BLTP3B: variants seen among roughly 807,000 people sequenced by gnomAD.
BLTP3B encodes bridge-like lipid transfer protein family member 3B.
the BLTP3B span, chr12:100,037,866 C>T: frequency 5.3e-6 from 5 of 944,724 alleles, no homozygotes; most frequent in South Asian, 5.9e-5. Context: ...ATGCCCATTG[C>T]TGGTGAGAGT....
chr12:100,065,352 A>T, the BLTP3B span, among the ~76,000 whole-genome samples: 2 of 152,140 alleles, frequency 1.3e-5, no homozygotes, highest in Non-Finnish European at 2.9e-5. Context: ...AGGGAAGACA[A>T]CCATAAGGTC....
At chr12:100,045,170 C>T in the BLTP3B span, among the ~76,000 whole-genome samples, 17 of 152,276 alleles carry the variant, frequency 1.1e-4, 1 homozygote, top group East Asian at 2.5e-3. Context: ...AATGGCCATA[C>T]TGCCCAAGTT....
the BLTP3B span, chr12:100,058,198 T>A: frequency 3.7e-6 from 6 of 1,613,032 alleles, no homozygotes; most frequent in Admixed American, 1.7e-5. Flanking sequence ...ATGTTTTGAT[T>A]ACCATCACTA....
At chr12:100,089,032 C>T in the BLTP3B span, 6 of 1,610,646 alleles carry the variant, frequency 3.7e-6, no homozygotes, top group African/African-American at 1.3e-5. Flanking sequence ...GCATCATTTA[C>T]ATCAGGAGCA....
chr12:100,104,688 CATA>C, the BLTP3B span, among the ~76,000 whole-genome samples: 2 of 151,526 alleles, frequency 1.3e-5, no homozygotes, highest in African/African-American at 4.8e-5. Context: ...ACATCAAATA[CATA>C]ATGTTGATAT....
chr12:100,142,820 G>A, the BLTP3B span: 35 of 755,388 alleles, frequency 4.6e-5, no homozygotes, highest in Admixed American at 9.5e-4. Flanking sequence ...ATCACGCTCA[G>A]GCCGCCACGG....
At chr12:100,109,160 CT>C in the BLTP3B span, among the ~76,000 whole-genome samples, 2 of 3,212 alleles carry the variant, frequency 6.2e-4, no homozygotes, top group Admixed American at 1.9e-3. Flanking sequence ...GGCAGTTTTC[CT>C]CTCTCTCTCT....
chr12:100,124,973 TA>T, the BLTP3B span, among the ~76,000 whole-genome samples: 134 of 104,964 alleles, frequency 1.3e-3, 1 homozygote, highest in African/African-American at 6.5e-3. Context: ...TATATATATA[TA>T]TATATTTATA....
chr12:100,107,630 TC>T, the BLTP3B span, among the ~76,000 whole-genome samples: 1 of 151,634 alleles, frequency 6.6e-6, no homozygotes, highest in African/African-American at 2.4e-5. Flanking sequence ...CAAGACTCCG[TC>T]TCAAAAAAAA....
chr12:100,078,195 T>C, the BLTP3B span, among the ~76,000 whole-genome samples: 4 of 149,928 alleles, frequency 2.7e-5, no homozygotes, highest in Non-Finnish European at 4.4e-5. Context: ...CAACAGTGAG[T>C]TCTCATAAAG....
At chr12:100,087,932 A>T in the BLTP3B span, among the ~76,000 whole-genome samples, 1 of 152,174 alleles carries the variant, frequency 6.6e-6, no homozygotes, top group Non-Finnish European at 1.5e-5. Context: ...AAAGATGCCA[A>T]CTATAAGTCA....
chr12:100,037,552 T>C, the BLTP3B span: 3 of 1,551,222 alleles, frequency 1.9e-6, no homozygotes, highest in Non-Finnish European at 2.6e-6. Flanking sequence ...AAAATAAAAG[T>C]CTTCCCCTAA....
the BLTP3B span, among the ~76,000 whole-genome samples, chr12:100,073,163 C>T: frequency 6.6e-6 from 1 of 152,070 alleles, no homozygotes; most frequent in South Asian, 2.1e-4. Flanking sequence ...GATCCAAGTC[C>T]TCAAATCCAG....
At chr12:100,081,654 G>A in the BLTP3B span, among the ~76,000 whole-genome samples, 6 of 152,134 alleles carry the variant, frequency 3.9e-5, no homozygotes, top group Non-Finnish European at 8.8e-5. Flanking sequence ...ACTTATAAGT[G>A]AGAATATGCA....
chr12:100,091,971 G>A, the BLTP3B span, among the ~76,000 whole-genome samples: 3 of 151,448 alleles, frequency 2.0e-5, no homozygotes, highest in Non-Finnish European at 4.4e-5. Context: ...ACCATGCCTG[G>A]CTAATTTTTT....
chr12:100,084,757 A>G, the BLTP3B span: 3 of 1,281,496 alleles, frequency 2.3e-6, no homozygotes, highest in Non-Finnish European at 3.2e-6. Context: ...TTATTCAAGA[A>G]AGACTTTGAT....
the BLTP3B span, among the ~76,000 whole-genome samples, chr12:100,104,882 T>C: frequency 4.5e-5 from 2 of 44,560 alleles, no homozygotes; most frequent in African/African-American, 2.2e-4. Flanking sequence ...CTACTGCTAC[T>C]ACAAAAAAAA....
chr12:100,047,688 T>C, the BLTP3B span: 1 of 1,347,800 alleles, frequency 7.4e-7, no homozygotes, highest in Non-Finnish European at 1.1e-6. Flanking sequence ...CGGTCATATT[T>C]TTAATGAGTT....
At chr12:100,070,817 A>C in the BLTP3B span, among the ~76,000 whole-genome samples, 7 of 152,036 alleles carry the variant, frequency 4.6e-5, no homozygotes, top group Admixed American at 1.3e-4. Context: ...AACAAGGAGA[A>C]AAGAAACCTC....
Sources: gnomAD v4.1 joint callset for allele counts (sites outside exome capture counted in the v4.1 genomes callset) on GRCh38, gnomAD v4.1.1 for gene constraint, MANE v1.5 for transcripts, NCBI Gene and HGNC (gene_info 2026-07-23, HGNC 2026-07-21) for gene names.